SSBP2: variants seen among roughly 807,000 people sequenced by gnomAD.
The protein encoded by SSBP2 is single-stranded DNA-binding protein 2.
SSBP2 carries 17 observed loss-of-function variants against 61.8 expected under a neutral mutation model. That is an observed-to-expected ratio of 0.28 (90% CI 0.19 to 0.41). SSBP2 has a LOEUF of 0.41. SSBP2 is among the 10% of genes least tolerant of loss of function. The probability of loss-of-function intolerance (pLI) is 1.00; values close to 1 mark genes in which losing one functional copy is unlikely to be tolerated. For missense variants in SSBP2, 310 were observed against 458.7 expected, an observed-to-expected ratio of 0.68 and a Z score of 2.96; for synonymous variants, 139 against 141.3, an observed-to-expected ratio of 0.98 and a Z score of 0.12.
intron 1 of SSBP2, chr5:81,750,682 G>A (rs1394373517): frequency 1.3e-5 from 6 of 445,544 alleles, no homozygotes; most frequent in Middle Eastern, 6.1e-4. Context: ...GAACCCGCGG[G>A]TTATTTCCCT....
chr5:81,613,847 C>A (rs1047559974), intron 4 of SSBP2, among the ~76,000 whole-genome samples: 2 of 149,226 alleles, frequency 1.3e-5, no homozygotes, highest in Non-Finnish European at 3.0e-5. Context: ...CTTCTGTCAA[C>A]CAAGGGTAAA....
intron 1 of SSBP2, among the ~76,000 whole-genome samples, chr5:81,692,262 AC>A (rs1160153656): frequency 1.4e-4 from 21 of 152,268 alleles, no homozygotes; most frequent in African/African-American, 5.1e-4. Context: ...ATTTATAATA[AC>A]CGAAAATAAA....
intron 4 of SSBP2, among the ~76,000 whole-genome samples, chr5:81,614,143 G>A (rs1235306121): frequency 1.3e-5 from 2 of 151,966 alleles, no homozygotes; most frequent in East Asian, 1.9e-4. Flanking sequence ...GGCGGATCAC[G>A]AGGTCAGGAG....
At chr5:81,512,181 T>C (rs546500609) in intron 5 of SSBP2, among the ~76,000 whole-genome samples, 2 of 152,296 alleles carry the variant, frequency 1.3e-5, no homozygotes, top group South Asian at 4.1e-4. Flanking sequence ...ACTGGAAATA[T>C]TTCATGAATA....
intron 12 of SSBP2, among the ~76,000 whole-genome samples, chr5:81,446,451 C>T (rs985003393): frequency 1.1e-4 from 16 of 151,222 alleles, no homozygotes; most frequent in African/African-American, 3.9e-4. Context: ...AGTACTTCTT[C>T]ATCCTTCATT....
chr5:81,420,972 C>T (rs1761571281), intron 16 of SSBP2, among the ~76,000 whole-genome samples: 1 of 152,150 alleles, frequency 6.6e-6, no homozygotes, highest in Non-Finnish European at 1.5e-5. Flanking sequence ...GTTTCCCTAT[C>T]TGTAAAGGGG....
intron 1 of SSBP2, among the ~76,000 whole-genome samples, chr5:81,676,047 T>C (rs1021468330): frequency 2.6e-5 from 4 of 152,178 alleles, no homozygotes; most frequent in African/African-American, 4.8e-5. Flanking sequence ...AACTGTTTAC[T>C]GAGCATATTC....
intron 15 of SSBP2, among the ~76,000 whole-genome samples, chr5:81,435,763 A>C (rs1207666321): frequency 6.6e-6 from 1 of 152,208 alleles, no homozygotes; most frequent in African/African-American, 2.4e-5. Context: ...AGATGGCCTA[A>C]AACTATCTTG....
chr5:81,600,926 T>C (rs527506498), intron 4 of SSBP2, among the ~76,000 whole-genome samples: 12 of 152,328 alleles, frequency 7.9e-5, no homozygotes, highest in African/African-American at 2.9e-4. Flanking sequence ...TGACTGAATA[T>C]GCTGAACAAT....
chr5:81,652,444 CAG>C (rs1418840594), intron 1 of SSBP2, among the ~76,000 whole-genome samples: 1 of 152,046 alleles, frequency 6.6e-6, no homozygotes, highest in Non-Finnish European at 1.5e-5. Context: ...CTGAGAATAA[CAG>C]GGGGTAAGGG....
intron 6 of SSBP2, among the ~76,000 whole-genome samples, chr5:81,488,575 T>C (rs941682983): frequency 5.3e-5 from 8 of 152,148 alleles, no homozygotes; most frequent in Non-Finnish European, 7.4e-5. Context: ...TATTATACTT[T>C]AAGTTTTAGG....
At chr5:81,475,684 C>T (rs912889284) in intron 6 of SSBP2, among the ~76,000 whole-genome samples, 1 of 151,892 alleles carries the variant, frequency 6.6e-6, no homozygotes, top group Non-Finnish European at 1.5e-5. Flanking sequence ...AAAATAAAAA[C>T]TAAACTGAAA....
chr5:81,494,305 ATAGT>A (rs1373343596), intron 5 of SSBP2, among the ~76,000 whole-genome samples: 1 of 152,240 alleles, frequency 6.6e-6, no homozygotes, highest in Non-Finnish European at 1.5e-5. Flanking sequence ...ACTGGGTAGC[ATAGT>A]TAGTACTCTG....
At chr5:81,583,576 C>T (rs1189046922) in intron 4 of SSBP2, among the ~76,000 whole-genome samples, 4 of 150,648 alleles carry the variant, frequency 2.7e-5, no homozygotes, top group African/African-American at 9.8e-5. Context: ...CTTGCAGTGA[C>T]CCGAGATTGC....
Position 81,416,301 on chromosome 5 carries a change from A to G in SSBP2, c.*4203T>C, listed in dbSNP as rs1761311540. ...ATTCCAAAATCAAAATCAAGTGGCT[A>G]TGATTTGTGGCACTCCTTCGAATTA... is the stretch of plus-strand genomic sequence containing the variant. On this transcript the variant is annotated 3_prime_UTR_variant, in exon 17 of 17. Transcript: ENST00000320672. The G allele has an allele frequency of 6.6e-6, 1 of 152,350 alleles. No homozygotes were observed. The highest frequency in any genetic ancestry group is 2.1e-4 in the South Asian group (1 of 4,826). 9.4% of individuals were successfully genotyped at this position (152,350 alleles called of 1,614,324 possible).
intron 4 of SSBP2, among the ~76,000 whole-genome samples, chr5:81,514,857 G>T (rs561865174): frequency 6.6e-6 from 1 of 151,892 alleles, no homozygotes; most frequent in Admixed American, 6.6e-5. Flanking sequence ...ATTTCCTGAG[G>T]AAGTCTAGAT....
At chr5:81,592,932 G>A (rs545441193) in intron 4 of SSBP2, among the ~76,000 whole-genome samples, 61 of 152,272 alleles carry the variant, frequency 4.0e-4, no homozygotes, top group African/African-American at 1.3e-3. Context: ...AAATCAGAGC[G>A]CCTCTCCTCC....
chr5:81,495,186 T>C (rs1767188023), intron 5 of SSBP2, among the ~76,000 whole-genome samples: 1 of 152,174 alleles, frequency 6.6e-6, no homozygotes, highest in African/African-American at 2.4e-5. Flanking sequence ...TCGAAGTCTT[T>C]TCTTTTTGAA....
At chr5:81,622,854 A>T (rs1746739284) in intron 3 of SSBP2, among the ~76,000 whole-genome samples, 2 of 152,200 alleles carry the variant, frequency 1.3e-5, no homozygotes, top group African/African-American at 4.8e-5. Flanking sequence ...TAATTCAGTA[A>T]AGTAAGATTA....
Sources: gnomAD v4.1 joint callset for allele counts (sites outside exome capture counted in the v4.1 genomes callset) on GRCh38, gnomAD v4.1.1 for gene constraint, MANE v1.5 for transcripts, NCBI Gene and HGNC (gene_info 2026-07-23, HGNC 2026-07-21) for gene names.